Variants in MON2 observed in about 807,000 individuals in gnomAD.
MON2 encodes MON2 regulator of endosome-to-Golgi trafficking, also known as protein MON2 homolog.
Under a neutral mutation model 208.6 loss-of-function variants are expected in MON2, and 84 were observed. That is an observed-to-expected ratio of 0.40 (90% CI 0.34 to 0.48). MON2 has a LOEUF of 0.48. Ranked by LOEUF, MON2 falls within the 20% of genes least tolerant of loss-of-function variation. The pLI is 0.59. For synonymous variants in MON2, 660 were observed against 694.0 expected, an observed-to-expected ratio of 0.95 and a Z score of 0.77; for missense variants, 1,611 against 2,015.4, an observed-to-expected ratio of 0.80 and a Z score of 3.84.
chr12:62,521,976 TGAG>T, intron 8 of MON2, among the ~76,000 whole-genome samples: 1 of 152,276 alleles, frequency 6.6e-6, no homozygotes, highest in South Asian at 2.1e-4. Context: ...GTGGATCACT[TGAG>T]GTCAGGAGTC....
At chr12:62,558,134 A>T (rs904567274) in intron 25 of MON2, among the ~76,000 whole-genome samples, 6 of 150,812 alleles carry the variant, frequency 4.0e-5, no homozygotes, top group South Asian at 2.1e-4. Context: ...ATGCGCCACC[A>T]TGCCCGGCTA....
chr12:62,583,163 C>A (rs2075064878), intron 32 of MON2, among the ~76,000 whole-genome samples: 2 of 152,042 alleles, frequency 1.3e-5, no homozygotes, highest in Non-Finnish European at 2.9e-5. Context: ...AAAACCCCAT[C>A]TCTACAAAAA....
At chr12:62,584,872 G>T (rs918722273) in intron 32 of MON2, among the ~76,000 whole-genome samples, 1 of 151,952 alleles carries the variant, frequency 6.6e-6, no homozygotes, top group Non-Finnish European at 1.5e-5. Context: ...CAGGAAAGAA[G>T]TTGCTAGGAG....
At chr12:62,523,420 A>T (rs2072167560) in intron 8 of MON2, among the ~76,000 whole-genome samples, 1 of 152,172 alleles carries the variant, frequency 6.6e-6, no homozygotes, top group African/African-American at 2.4e-5. Flanking sequence ...CTGACTCCTG[A>T]TCTAGTTCCT....
intron 26 of MON2, 158 bp from the exon 27 acceptor site, chr12:62,565,079 G>A: frequency 1.5e-6 from 1 of 658,062 alleles, no homozygotes; most frequent in Middle Eastern, 4.3e-4. Flanking sequence ...TTCTATAACA[G>A]TTTAAAATAG....
In MON2 at chr12:62,560,807, T is replaced by G; in HGVS notation, c.3726T>G (p.Ala1242=). The change falls in exon 26 of 35, where the codon GCT becomes GCG. Residue 1242 remains alanine (A), a synonymous_variant. Coordinates refer to ENST00000393630, the MANE Select transcript of MON2 (RefSeq NM_015026.3). ...TTGAAGATTTGAATCTATGGTGGGCTGCGTGGAATACCTGGTATAGAATTG... is the reference window on the plus strand; with the variant it reads ...TTGAAGATTTGAATCTATGGTGGGCGGCGTGGAATACCTGGTATAGAATTG... ...DELEDLNLWW[A]AWNTWYRIGS... The G allele has an allele frequency of 6.2e-7, 1 of 1,614,140 alleles. No individual in the cohort carries two copies. The highest frequency in any genetic ancestry group is 8.5e-7 in the Non-Finnish European group (1 of 1,179,976).
At position 62,571,464 on chromosome 12, in the gene MON2, C is replaced by T. The variant is rs201728670; in HGVS notation, c.4396C>T (p.Leu1466Phe). Residue 1466 changes from leucine (L) to phenylalanine (F), a missense_variant, in exon 30 of 35, where the codon CTC becomes TTC. By Grantham distance (22) the Leu-to-Phe change is conservative. Transcript: ENST00000393630. ...ESTWKLAVSSLLRVLSIGLPV... is the reference protein window; with the variant it reads ...ESTWKLAVSSFLRVLSIGLPV... ...CACATGGAAACTAGCAGTATCCTCT[C>T]TCCTCAGAGTTCTTTCTATTGGGCT... 1.9e-4 allele frequency: 304 copies of T among 1,613,362 alleles called. No individual in the cohort carries two copies. Among genetic ancestry groups the T allele is most frequent in the Non-Finnish European group, 1.9e-4 (229 of 1,179,338 alleles).
Position 62,549,884 on chromosome 12 carries a change from G to A in MON2, c.2916+54G>A, listed in dbSNP as rs1229163925. The A allele has an allele frequency of 1.3e-5, 16 of 1,196,498 alleles. No individual in the cohort carries two copies. The East Asian group carries it at 4.3e-4, about 32-fold the overall frequency. 74.1% of individuals were successfully genotyped at this position (1,196,498 alleles called of 1,614,324 possible). A position where few individuals can be genotyped will look rare whatever the true frequency, so the allele number is the denominator to read the frequency against. On this transcript the variant is annotated intron_variant, in intron 23 of 34. Transcript: ENST00000393630. ...ATAATTTAGAAATCATTGTTATTCA[G>A]TTGGGAGTGAATGCTAAGCAAATAT...
chr12:62,582,272 T>G (rs2075031793), intron 32 of MON2, among the ~76,000 whole-genome samples: 1 of 152,226 alleles, frequency 6.6e-6, no homozygotes, highest in African/African-American at 2.4e-5. Context: ...TCTTGCTATG[T>G]ATAGTATTAA....
At chr12:62,477,150 A>G (rs2069133401) in intron 1 of MON2, among the ~76,000 whole-genome samples, 1 of 152,126 alleles carries the variant, frequency 6.6e-6, no homozygotes, top group Admixed American at 6.5e-5. Flanking sequence ...TTCCTTTCAA[A>G]GGATGTCCTT....
chr12:62,493,265 C>T (rs950533866), intron 2 of MON2, among the ~76,000 whole-genome samples: 4 of 152,136 alleles, frequency 2.6e-5, no homozygotes, highest in Non-Finnish European at 4.4e-5. Flanking sequence ...TAACCTCTTA[C>T]ATTTTTATTG....
At chr12:62,491,411 A>G (rs2070132307) in intron 2 of MON2, among the ~76,000 whole-genome samples, 1 of 152,194 alleles carries the variant, frequency 6.6e-6, no homozygotes, top group Admixed American at 6.5e-5. Flanking sequence ...TGTTGTTGTG[A>G]TACTATGGGT....
intron 2 of MON2, among the ~76,000 whole-genome samples, 195 bp from the exon 3 acceptor site, chr12:62,493,720 G>A (rs1011503246): frequency 7.9e-5 from 12 of 152,132 alleles, no homozygotes; most frequent in African/African-American, 2.4e-4. Flanking sequence ...TAGTTAAGGC[G>A]TATAGCTTAG....
intron 8 of MON2, among the ~76,000 whole-genome samples, chr12:62,518,951 A>G (rs140366824): frequency 2.0e-5 from 3 of 152,130 alleles, no homozygotes; most frequent in Admixed American, 6.5e-5. Flanking sequence ...GGGGCAAGCT[A>G]TATATGGTTG....
At chr12:62,500,473 AT>A (rs2070766538) in intron 5 of MON2, among the ~76,000 whole-genome samples, 1 of 152,188 alleles carries the variant, frequency 6.6e-6, no homozygotes, top group African/African-American at 2.4e-5. Context: ...GATCATGTGA[AT>A]TTTAAATCCA....
chr12:62,512,939 G>A (rs2071487818), intron 8 of MON2, among the ~76,000 whole-genome samples: 1 of 152,180 alleles, frequency 6.6e-6, no homozygotes, highest in African/African-American at 2.4e-5. Flanking sequence ...CTTGATGCTT[G>A]CACCCTCTGA....
intron 20 of MON2, among the ~76,000 whole-genome samples, chr12:62,543,998 T>C (rs1377300122): frequency 6.6e-6 from 1 of 152,218 alleles, no homozygotes; most frequent in African/African-American, 2.4e-5. Flanking sequence ...TGGATTTACA[T>C]TGTCTTACAT....
chr12:62,495,748 A>T (rs1051648719), intron 4 of MON2, among the ~76,000 whole-genome samples: 2 of 151,030 alleles, frequency 1.3e-5, no homozygotes, highest in Non-Finnish European at 3.0e-5. Context: ...ATTCCCTGTG[A>T]TAGCTCTCCC....
At chr12:62,503,997 A>G (rs1464978911) in intron 7 of MON2, among the ~76,000 whole-genome samples, 1 of 151,566 alleles carries the variant, frequency 6.6e-6, no homozygotes, top group Non-Finnish European at 1.5e-5. Flanking sequence ...ATATTATTAC[A>G]TATTGTGTAT....
Sources: gnomAD v4.1 joint callset for allele counts (sites outside exome capture counted in the v4.1 genomes callset) on GRCh38, gnomAD v4.1.1 for gene constraint, MANE v1.5 for transcripts, NCBI Gene and HGNC (gene_info 2026-07-23, HGNC 2026-07-21) for gene names.